DLC1: variants seen among roughly 807,000 people sequenced by gnomAD.
The protein encoded by DLC1 is DLC1 Rho GTPase activating protein.
In DLC1, 54 loss-of-function variants were observed where a neutral mutation model predicts 140.3. The observed-to-expected ratio is 0.38, with a 90% CI of 0.31 to 0.48. The LOEUF is 0.48. Among genes scored for constraint, DLC1 ranks in the 20% least tolerant of loss-of-function variants. The pLI, the probability that DLC1 is intolerant of heterozygous loss-of-function variation, is 0.96. For missense variants in DLC1, 2,536 were observed against 1,907.0 expected, an observed-to-expected ratio of 1.33 and a Z score of -6.14; for synonymous variants, 986 against 728.1, an observed-to-expected ratio of 1.35 and a Z score of -5.70.
At chr8:13,433,030 G>A (rs17116045) in intron 2 of DLC1, among the ~76,000 whole-genome samples, 11,002 of 150,348 alleles carry the variant, frequency 0.073, 519 homozygotes, top group Admixed American at 0.12. Flanking sequence ...CAGTTTGGAA[G>A]GAACAGTTAT....
intron 7 of DLC1, among the ~76,000 whole-genome samples, chr8:13,107,835 G>C (rs1363112212): frequency 1.3e-5 from 2 of 152,118 alleles, no homozygotes. Context: ...GGTGGATCAG[G>C]AGTTCAAGAC....
chr8:13,557,242 G>A (rs1322417216), intron 1 of DLC1, among the ~76,000 whole-genome samples: 1 of 151,940 alleles, frequency 6.6e-6, no homozygotes, highest in African/African-American at 2.4e-5. Flanking sequence ...CTCTGAAAAA[G>A]CCAACCCACA....
At chr8:13,523,875 A>G (rs1188698162) in intron 1 of DLC1, among the ~76,000 whole-genome samples, 1 of 151,652 alleles carries the variant, frequency 6.6e-6, no homozygotes, top group African/African-American at 2.4e-5. Flanking sequence ...TTAAATTAAT[A>G]TGGTATGTTC....
chr8:13,501,757 G>A (rs1356840807), intron 1 of DLC1, among the ~76,000 whole-genome samples: 2 of 152,164 alleles, frequency 1.3e-5, no homozygotes, highest in Non-Finnish European at 2.9e-5. Flanking sequence ...AAAGTGGTCA[G>A]CCTTCACATT....
Position 13,092,724 on chromosome 8 carries a change from C to T in DLC1, c.3628G>A (p.Asp1210Asn), listed in dbSNP as rs201829040. Residue 1210 changes from aspartate to asparagine, a missense_variant, in exon 13 of 18, where the codon GAT (aspartate) becomes AAT (asparagine). Asp to Asn is a conservative substitution (Grantham distance 23, BLOSUM62 1). Coordinates refer to ENST00000276297, the MANE Select transcript of DLC1 (RefSeq NM_182643.3). ...TTTTCTTTTACGGCTGCTGTGACAT[C>T]GCTCAGGAAATAAAGCAGGGTCTGC... is the stretch of plus-strand genomic sequence containing the variant. The part of the protein sequence containing the change: ...VLQTLLYFLS[D>N]VTAAVKENQM... The T allele has an allele frequency of 9.3e-6, 15 of 1,614,006 alleles. No homozygotes were observed. The highest frequency in any genetic ancestry group is 1.3e-5 in the African/African-American group (1 of 74,896).
At chr8:13,347,885 C>A (rs747685148) in intron 4 of DLC1, among the ~76,000 whole-genome samples, 1 of 152,040 alleles carries the variant, frequency 6.6e-6, no homozygotes, top group Admixed American at 6.6e-5. Context: ...GTCAGGATAT[C>A]GAGACCATCC....
At chr8:13,347,897 G>T (rs1162019945) in intron 4 of DLC1, among the ~76,000 whole-genome samples, 1 of 152,090 alleles carries the variant, frequency 6.6e-6, no homozygotes, top group Non-Finnish European at 1.5e-5. Context: ...AGACCATCCT[G>T]GCTAACACAG....
chr8:13,218,930 G>GTTTATA (rs1563173780), intron 5 of DLC1, among the ~76,000 whole-genome samples: 1 of 30,012 alleles, frequency 3.3e-5, no homozygotes, highest in African/African-American at 2.4e-4. Flanking sequence ...ATATAATTAC[G>GTTTATA]TACGAATATG....
chr8:13,206,509 A>C (rs966432537), intron 5 of DLC1, among the ~76,000 whole-genome samples: 2 of 152,172 alleles, frequency 1.3e-5, no homozygotes, highest in African/African-American at 2.4e-5. Context: ...AAGAAAGACC[A>C]ATGAGGTGAT....
At chr8:13,405,446 C>G (rs1280739939) in intron 2 of DLC1, among the ~76,000 whole-genome samples, 1 of 152,176 alleles carries the variant, frequency 6.6e-6, no homozygotes, top group Non-Finnish European at 1.5e-5. Flanking sequence ...ACACTTCACT[C>G]AACACCAAAT....
chr8:13,338,015 A>C (rs758155479), intron 4 of DLC1, among the ~76,000 whole-genome samples: 1 of 152,202 alleles, frequency 6.6e-6, no homozygotes, highest in Admixed American at 6.5e-5. Flanking sequence ...CTAGCCAGAT[A>C]GTATAGCTAG....
chr8:13,106,562 T>C (rs1043471506), intron 7 of DLC1, among the ~76,000 whole-genome samples: 2 of 152,192 alleles, frequency 1.3e-5, no homozygotes, highest in Non-Finnish European at 2.9e-5. Flanking sequence ...TTTCCCAGGA[T>C]GGTCTCCAAC....
chr8:13,421,504 G>A lies in DLC1; in HGVS notation c.1024-19885C>T, dbSNP rs541453368. 6.6e-5 allele frequency among the ~76,000 whole-genome samples: 10 copies of A among 152,156 alleles called. No individual in the cohort carries two copies. The South Asian group carries it at 8.3e-4, about 13-fold the overall frequency. ...GATTAAAAAAAGTCAAAGTTCCTACGGAAAAAGCATAAACAGCTATGAGGA... is the reference window on the plus strand; with the variant it reads ...GATTAAAAAAAGTCAAAGTTCCTACAGAAAAAGCATAAACAGCTATGAGGA... On this transcript the variant is annotated intron_variant, in intron 2 of 17. Coordinates refer to ENST00000276297, the MANE Select transcript of DLC1 (RefSeq NM_182643.3).
At chr8:13,295,107 A>G (rs956542980) in intron 5 of DLC1, among the ~76,000 whole-genome samples, 4 of 152,192 alleles carry the variant, frequency 2.6e-5, no homozygotes, top group Non-Finnish European at 4.4e-5. Context: ...AGATAAATAT[A>G]TCCAAGAGGA....
At chr8:13,576,839 C>T (rs925541643) in intron 1 of DLC1, among the ~76,000 whole-genome samples, 9 of 152,146 alleles carry the variant, frequency 5.9e-5, no homozygotes, top group East Asian at 5.8e-4. Context: ...AAGTGCCCTA[C>T]GAGTAGCTTG....
chr8:13,332,308 C>G (rs539304589), intron 4 of DLC1, among the ~76,000 whole-genome samples: 2 of 152,178 alleles, frequency 1.3e-5, no homozygotes, highest in African/African-American at 2.4e-5. Context: ...ATTATCTGAG[C>G]TACACTGTTC....
chr8:13,565,259 G>C (rs1388315803), intron 1 of DLC1, among the ~76,000 whole-genome samples: 1 of 152,086 alleles, frequency 6.6e-6, no homozygotes, highest in Non-Finnish European at 1.5e-5. Flanking sequence ...TTATAAAAAA[G>C]ACAGATTACC....
At chr8:13,595,738 A>G (rs994440535) in intron 1 of DLC1, among the ~76,000 whole-genome samples, 3 of 152,044 alleles carry the variant, frequency 2.0e-5, no homozygotes, top group African/African-American at 7.2e-5. Flanking sequence ...TTTTAACACA[A>G]TGCCAAAAAT....
At chr8:13,095,663 A>G (rs1465323453) in intron 10 of DLC1, 2 of 177,584 alleles carry the variant, frequency 1.1e-5, no homozygotes, top group African/African-American at 2.3e-5. Flanking sequence ...AGGAAGGAAC[A>G]AGCAGAAAAC....
Sources: gnomAD v4.1 joint callset for allele counts (sites outside exome capture counted in the v4.1 genomes callset) on GRCh38, gnomAD v4.1.1 for gene constraint, MANE v1.5 for transcripts, NCBI Gene and HGNC (gene_info 2026-07-23, HGNC 2026-07-21) for gene names.